Variants in MYO7A observed in about 807,000 individuals in gnomAD.
The protein encoded by MYO7A is unconventional myosin-VIIa.
MYO7A carries 210 observed loss-of-function variants against 263.8 expected under a neutral mutation model. That is an observed-to-expected ratio of 0.80 (90% CI 0.71 to 0.89). The LOEUF is 0.89. Ranked by LOEUF, MYO7A falls within the 40% of genes least tolerant of loss-of-function variation. The pLI is 0.00. For synonymous variants in MYO7A, 1,239 were observed against 1,197.3 expected, an observed-to-expected ratio of 1.03 and a Z score of -0.72; for missense variants, 2,820 against 2,968.3, an observed-to-expected ratio of 0.95 and a Z score of 1.16.
intron 2 of MYO7A, among the ~76,000 whole-genome samples, chr11:77,132,567 C>A (rs1200354458): frequency 2.6e-5 from 4 of 152,122 alleles, no homozygotes; most frequent in African/African-American, 9.7e-5. Flanking sequence ...TGGCTCACTG[C>A]AACCTTCGAC....
At chr11:77,211,433 G>T in intron 45 of MYO7A, 96 bp downstream of exon 45, 1 of 1,340,656 alleles carries the variant, frequency 7.5e-7, no homozygotes, top group South Asian at 1.4e-5. Context: ...GCAGCCCAGG[G>T]AGGTGCATCT....
Position 77,130,619 on chromosome 11 carries a change from C to G in MYO7A, c.-16C>G, listed in dbSNP as rs1950739951. On this transcript the variant is annotated 5_prime_UTR_variant, in exon 2 of 49. Coordinates refer to ENST00000409709, the MANE Select transcript of MYO7A (RefSeq NM_000260.4). ...TGCCTGGCCCAGTGGGCAGCAGGAG[C>G]TCCTGACTTGGGACCATGGTGATTC... is the stretch of plus-strand genomic sequence containing the variant. 3.1e-6 allele frequency: 5 copies of G among 1,612,982 alleles called. No homozygotes were observed. In the Admixed American group the frequency reaches 5.0e-5, roughly 16 times the overall value.
In MYO7A at chr11:77,199,664, G is replaced by A. The variant is rs200207753; in HGVS notation, c.4698G>A (p.Thr1566=). ...PCWSCRGAKT[T]APSFTLATIK... Reference sequence around the variant, plus strand: ...GGTCCTGCAGGGGAGCGAAAACGACGGCCCCCAGCTTCACGCTGGCCACCA... The same window carrying A: ...GGTCCTGCAGGGGAGCGAAAACGACAGCCCCCAGCTTCACGCTGGCCACCA... Residue 1566 remains threonine (T), a synonymous_variant, in exon 35 of 49, where the codon ACG becomes ACA. Transcript: ENST00000409709. The A allele has an allele frequency of 5.5e-4, 882 of 1,613,048 alleles. 7 individuals are homozygous for A. In the African/African-American group the frequency reaches 0.011, roughly 19 times the overall value.
intron 15 of MYO7A, among the ~76,000 whole-genome samples, chr11:77,170,822 G>A (rs1555075473): frequency 6.6e-6 from 1 of 152,204 alleles, no homozygotes; most frequent in African/African-American, 2.4e-5. Flanking sequence ...GACGGTGGAG[G>A]AAGTGGTGAG....
chr11:77,210,396 G>A (rs1408352676), intron 44 of MYO7A, among the ~76,000 whole-genome samples: 1 of 152,104 alleles, frequency 6.6e-6, no homozygotes, highest in African/African-American at 2.4e-5. Context: ...AGTTAGGTAG[G>A]TGAGTGGGTG....
chr11:77,128,545 G>T (rs1950675187), intron 1 of MYO7A, 56 bp downstream of exon 1: 2 of 152,370 alleles, frequency 1.3e-5, no homozygotes, highest in African/African-American at 4.8e-5. Context: ...ATGTGGAGGA[G>T]TCATGGACTT....
chr11:77,129,973 C>CCGGGCG (rs1443551859), intron 1 of MYO7A, among the ~76,000 whole-genome samples: 15 of 152,098 alleles, frequency 9.9e-5, no homozygotes, highest in Non-Finnish European at 2.2e-4. Context: ...CGGGGCGGGC[C>CCGGGCG]CGGGCCCGGG....
chr11:77,205,773 AGCTGCTCAGGATGCAGCTGGAGAGTCCG>A (rs1957410006), intron 40 of MYO7A, among the ~76,000 whole-genome samples, 156 bp downstream of exon 40: 1 of 152,092 alleles, frequency 6.6e-6, no homozygotes, highest in South Asian at 2.1e-4. Flanking sequence ...CGGATCCTGC[AGCTGCTCAGGATGCAGCTGGAGAGTCCG>A]GCTGCTCGGG....
At chr11:77,172,004 C>T (rs908591996) in intron 15 of MYO7A, among the ~76,000 whole-genome samples, 4 of 152,218 alleles carry the variant, frequency 2.6e-5, no homozygotes, top group African/African-American at 4.8e-5. Flanking sequence ...TAGGAGGAGG[C>T]TGCTTGTGTG....
rs116342201 is a variant in MYO7A at position 77,194,283 on chromosome 11, C to T, written c.4153-71C>T. On this transcript the variant is annotated intron_variant, in intron 31 of 48. Coordinates refer to ENST00000409709, the MANE Select transcript of MYO7A (RefSeq NM_000260.4). ...GCAGGGCCAGGAGAGGGGCCTGGAGCCTTTGGTGGTGTGGAAGGGCTTCCT... is the reference window on the plus strand; with the variant it reads ...GCAGGGCCAGGAGAGGGGCCTGGAGTCTTTGGTGGTGTGGAAGGGCTTCCT... 2,033 of 1,534,296 alleles carry T rather than the reference C, an allele frequency of 1.3e-3. 20 individuals carry two copies. The African/African-American group carries it at 0.025, about 19-fold the overall frequency.
intron 27 of MYO7A, 118 bp downstream of exon 27, chr11:77,184,833 C>G: frequency 1.3e-6 from 2 of 1,498,608 alleles, no homozygotes; most frequent in Non-Finnish European, 1.8e-6. Context: ...TCGCTGCTAG[C>G]TAGTTGGTGG....
rs372220160 is a variant in MYO7A, at chr11:77,202,395, G to T, written c.5139G>T (p.Thr1713=). The change falls in exon 37 of 49, where the codon ACG becomes ACT. Residue 1713 remains threonine (T), a synonymous_variant. Coordinates refer to ENST00000409709, the MANE Select transcript of MYO7A (RefSeq NM_000260.4). The part of the protein sequence containing the change: ...AEPEVRAKPY[T]LEEFSYDYFR... The stretch of plus-strand genomic sequence containing the variant: ...CCGAGGTGCGTGCCAAGCCCTACAC[G>T]CTGGAGGAGTTTTCCTATGACTACT... The T allele has an allele frequency of 3.9e-6, 6 of 1,554,306 alleles. No homozygotes were observed. The Admixed American group carries it at 5.8e-5, about 15-fold the overall frequency.
At chr11:77,143,662 A>G (rs551688484) in intron 3 of MYO7A, among the ~76,000 whole-genome samples, 14 of 152,330 alleles carry the variant, frequency 9.2e-5, no homozygotes, top group South Asian at 4.1e-4. Context: ...GGGGCAGCTT[A>G]GCAGGGATAT....
intron 14 of MYO7A, 34 bp from the exon 15 acceptor site, chr11:77,166,022 C>T (rs370612844): frequency 7.6e-5 from 116 of 1,529,896 alleles, no homozygotes; most frequent in Non-Finnish European, 9.9e-5. Context: ...CCTGCCAGAG[C>T]TGGTGAGAGG....
chr11:77,157,341 G>A lies in MYO7A; in HGVS notation c.798G>A (p.Gln266=). ...YCMLEGMSED[Q]KKKLGLGQAS... ...TGCTGGAGGGTATGAGTGAGGATCA[G>A]AAGAAGAAGCTGGGCTTGGGCCAGG... The change falls in exon 8 of 49, where the codon CAG becomes CAA. Residue 266 remains glutamine (Q), a synonymous_variant. Transcript: ENST00000409709. 6.2e-7 allele frequency: 1 copy of A among 1,612,404 alleles called. No individual in the cohort carries two copies.
At chr11:77,132,316 C>T (rs12802850) in intron 2 of MYO7A, among the ~76,000 whole-genome samples, 74,338 of 151,748 alleles carry the variant, frequency 0.49, 20,504 homozygotes, top group African/African-American at 0.75. Flanking sequence ...GCCTTCATCC[C>T]ATTTCCCGTG....
rs905848138 is a variant in MYO7A, at chr11:77,215,056, G to A, written c.*360G>A. 3.9e-6 allele frequency: 1 copy of A among 257,448 alleles called. No homozygotes were observed. The highest frequency in any genetic ancestry group is 2.2e-5 in the African/African-American group (1 of 45,394). 15.9% of individuals were successfully genotyped at this position (257,448 alleles called of 1,614,324 possible). On this transcript the variant is annotated 3_prime_UTR_variant, in exon 49 of 49. Transcript: ENST00000409709. ...ACCACTGGGATAGAGGAATCAAGAG[G>A]ACAATCTAGCTCTCCATACTTTGAA...
chr11:77,201,686 C>T, intron 36 of MYO7A, 48 bp downstream of exon 36: 1 of 1,575,080 alleles, frequency 6.3e-7, no homozygotes, highest in Non-Finnish European at 8.7e-7. Flanking sequence ...CATTAGACCC[C>T]TCTTTGTCCA....
At chr11:77,207,438 T>A in intron 42 of MYO7A, 36 bp downstream of exon 42, 1 of 1,446,928 alleles carries the variant, frequency 6.9e-7, no homozygotes, top group Non-Finnish European at 9.6e-7. Flanking sequence ...GGTGGGAGAT[T>A]TGCTGGGGCC....
Sources: allele counts gnomAD v4.1 joint callset (sites outside exome capture counted in the v4.1 genomes callset), GRCh38; gene constraint gnomAD v4.1.1; transcripts MANE v1.5; gene names NCBI Gene and HGNC (gene_info 2026-07-23, HGNC 2026-07-21).